ZMAT4: variants seen among roughly 807,000 people sequenced by gnomAD.
ZMAT4 encodes zinc finger matrin-type protein 4.
ZMAT4 carries 17 observed loss-of-function variants against 28.7 expected under a neutral mutation model. The observed-to-expected ratio is 0.59, with a 90% confidence interval of 0.41 to 0.89. ZMAT4 has a LOEUF of 0.89. ZMAT4 is among the 40% of genes least tolerant of loss of function. The pLI, the probability that ZMAT4 is intolerant of heterozygous loss-of-function variation, is 0.00. For missense variants in ZMAT4, 240 were observed against 283.8 expected (o/e 0.85, Z 1.11); for synonymous variants, 117 against 109.2 (o/e 1.07, Z -0.44).
intron 1 of ZMAT4, among the ~76,000 whole-genome samples, chr8:40,839,803 C>A (rs192425037): frequency 3.9e-5 from 6 of 152,238 alleles, no homozygotes; most frequent in Admixed American, 3.9e-4. Flanking sequence ...ACAATGAAGT[C>A]TTGGAAGAGT....
At chr8:40,582,944 G>A (rs1804541066) in intron 5 of ZMAT4, among the ~76,000 whole-genome samples, 1 of 152,204 alleles carries the variant, frequency 6.6e-6, no homozygotes, top group Admixed American at 6.5e-5. Context: ...CCAAAATGAG[G>A]TAAGAGAGCA....
At chr8:40,645,421 T>C (rs922127547) in intron 5 of ZMAT4, among the ~76,000 whole-genome samples, 5 of 152,142 alleles carry the variant, frequency 3.3e-5, no homozygotes, top group Non-Finnish European at 7.4e-5. Flanking sequence ...GAAGTTTTGT[T>C]TGATGGATTA....
In ZMAT4 at chr8:40,892,703, A is replaced by G. The variant is rs182558157; in HGVS notation, c.-5+4980T>C. ...CTGTGTGACAACGCCAAGGCCTGTT[A>G]CCTCTCTGGGCATCATCTGCCACAT... On this transcript the variant is annotated intron_variant, in intron 1 of 6. Transcript: ENST00000297737. 3.3e-3 allele frequency among the ~76,000 whole-genome samples: 501 copies of G among 152,298 alleles called. 1 individual carries two copies. The highest frequency in any genetic ancestry group is 0.011 in the African/African-American group (476 of 41,554).
chr8:40,835,535 A>G (rs1816447749), intron 1 of ZMAT4, among the ~76,000 whole-genome samples: 1 of 152,214 alleles, frequency 6.6e-6, no homozygotes, highest in Non-Finnish European at 1.5e-5. Context: ...CTTCCTTTCA[A>G]TGTGAATACA....
chr8:40,850,748 C>A (rs1817074383), intron 1 of ZMAT4, among the ~76,000 whole-genome samples: 2 of 152,112 alleles, frequency 1.3e-5, no homozygotes, highest in African/African-American at 2.4e-5. Context: ...ATTACGTAAA[C>A]CCTCACCTTA....
At chr8:40,767,233 C>A (rs1004936314) in intron 3 of ZMAT4, among the ~76,000 whole-genome samples, 1 of 152,156 alleles carries the variant, frequency 6.6e-6, no homozygotes, top group Non-Finnish European at 1.5e-5. Flanking sequence ...ACAAACAAGA[C>A]ATTCTGTTTT....
intron 1 of ZMAT4, among the ~76,000 whole-genome samples, chr8:40,849,182 C>A (rs1046919145): frequency 3.9e-5 from 6 of 152,196 alleles, no homozygotes; most frequent in African/African-American, 1.4e-4. Flanking sequence ...GGCCAAGGGG[C>A]GTGGGAGGAA....
chr8:40,737,360 G>A (rs1008916973), intron 3 of ZMAT4, among the ~76,000 whole-genome samples: 12 of 152,112 alleles, frequency 7.9e-5, no homozygotes, highest in Non-Finnish European at 1.6e-4. Context: ...GGGAGGCAAG[G>A]ATGAGATCTC....
chr8:40,771,138 CG>C (rs892316059), intron 2 of ZMAT4, among the ~76,000 whole-genome samples: 65 of 151,160 alleles, frequency 4.3e-4, no homozygotes, highest in African/African-American at 1.5e-3. Context: ...GGGAGAATTG[CG>C]GGGGGGAAGA....
At chr8:40,559,088 G>A (rs1803643743) in intron 6 of ZMAT4, among the ~76,000 whole-genome samples, 4 of 152,178 alleles carry the variant, frequency 2.6e-5, no homozygotes, top group Admixed American at 2.0e-4. Context: ...TTTGAGACAA[G>A]CAGTGTTGAA....
intron 2 of ZMAT4, among the ~76,000 whole-genome samples, chr8:40,812,120 G>A (rs1270438567): frequency 1.3e-5 from 2 of 152,070 alleles, no homozygotes; most frequent in Admixed American, 6.5e-5. Flanking sequence ...GACAGAGTGA[G>A]ACTCCATCTC....
At chr8:40,533,582 A>T (rs1250295073) in intron 6 of ZMAT4, among the ~76,000 whole-genome samples, 2 of 152,236 alleles carry the variant, frequency 1.3e-5, no homozygotes, top group Non-Finnish European at 2.9e-5. Context: ...ACTCACCTAG[A>T]AACACAGAGC....
intron 3 of ZMAT4, among the ~76,000 whole-genome samples, chr8:40,760,807 T>C (rs1273251115): frequency 1.3e-5 from 2 of 149,586 alleles, no homozygotes; most frequent in Non-Finnish European, 3.0e-5. Flanking sequence ...TTTTGCACCA[T>C]GCACCTGCAA....
intron 2 of ZMAT4, among the ~76,000 whole-genome samples, chr8:40,789,897 C>T (rs1443778342): frequency 6.6e-6 from 1 of 152,170 alleles, no homozygotes; most frequent in African/African-American, 2.4e-5. Flanking sequence ...TAATTGACAG[C>T]TTTTCTCATA....
At position 40,824,765 on chromosome 8, in the gene ZMAT4, AAAAG is replaced by A. The variant is rs1324216120; in HGVS notation, c.102+806_102+809del. On this transcript the variant is annotated intron_variant, in intron 2 of 6. Transcript: ENST00000297737. ...AAAGAAAAGAAAAAAAGAAAGAAAG[AAAAG>A]AAAGAAAGAAAATAAAGAAATTCAT... Among the ~76,000 whole-genome samples the A allele has an allele frequency of 2.0e-4, 30 of 146,470 alleles. No individual in the cohort carries two copies. The South Asian group carries it at 4.3e-3, about 21-fold the overall frequency.
chr8:40,573,654 A>G (rs1804170123), intron 6 of ZMAT4, among the ~76,000 whole-genome samples: 1 of 152,198 alleles, frequency 6.6e-6, no homozygotes, highest in African/African-American at 2.4e-5. Flanking sequence ...CCCACTATAC[A>G]TACAAAGTGC....
rs138355089 is a variant in ZMAT4 at position 40,864,135 on chromosome 8, C to G, written c.-5+33548G>C. Among the ~76,000 whole-genome samples the G allele has an allele frequency of 3.3e-5, 5 of 152,296 alleles. No homozygotes were observed. In the East Asian group the frequency reaches 9.6e-4, roughly 29 times the overall value. On this transcript the variant is annotated intron_variant, in intron 1 of 6. Transcript: ENST00000297737. Reference sequence around the variant, plus strand: ...GACCTGTGCTTGGATGGACGTAAACCAGAGGTGGGTGTTCCCGGGTTCAGG... The same window carrying G: ...GACCTGTGCTTGGATGGACGTAAACGAGAGGTGGGTGTTCCCGGGTTCAGG...
At chr8:40,564,773 C>A (rs1482114425) in intron 6 of ZMAT4, among the ~76,000 whole-genome samples, 1 of 152,090 alleles carries the variant, frequency 6.6e-6, no homozygotes, top group East Asian at 1.9e-4. Flanking sequence ...TTGGCTTCAA[C>A]CCTAATTAAA....
At chr8:40,873,454 G>GC (rs1817932846) in intron 1 of ZMAT4, among the ~76,000 whole-genome samples, 1 of 152,156 alleles carries the variant, frequency 6.6e-6, no homozygotes, top group African/African-American at 2.4e-5. Context: ...GGGATTCCTT[G>GC]ACTTGGCCGT....
Sources: gnomAD v4.1 joint callset for allele counts (sites outside exome capture counted in the v4.1 genomes callset) on GRCh38, gnomAD v4.1.1 for gene constraint, MANE v1.5 for transcripts, NCBI Gene and HGNC (gene_info 2026-07-23, HGNC 2026-07-21) for gene names.